Variants in TLN1 observed in about 807,000 individuals in gnomAD.
The protein encoded by TLN1 is talin 1.
A neutral mutation model predicts 292.3 loss-of-function variants in TLN1; 56 were observed. The ratio of observed to expected loss-of-function variants is 0.19; its 90% CI spans 0.15 to 0.24. TLN1 has a LOEUF of 0.24. Ranked by LOEUF, TLN1 falls within the 10% of genes least tolerant of loss-of-function variation. The probability of loss-of-function intolerance (pLI) is 1.00; values close to 1 mark genes in which losing one functional copy is unlikely to be tolerated. For synonymous variants in TLN1, 1,119 were observed against 1,253.7 expected, an observed-to-expected ratio of 0.89 and a Z score of 2.27; for missense variants, 2,433 against 3,248.2, an observed-to-expected ratio of 0.75 and a Z score of 6.10.
At chr9:35,726,337 T>C (rs1344190675) in intron 1 of TLN1, among the ~76,000 whole-genome samples, 1 of 152,178 alleles carries the variant, frequency 6.6e-6, no homozygotes, top group African/African-American at 2.4e-5. Context: ...CCTCCCTACT[T>C]TCATCCAAGT....
Position 35,699,268 on chromosome 9 carries a change from A to G in TLN1, c.6874+88T>C, listed in dbSNP as rs1825422710. 1.5e-5 allele frequency: 23 copies of G among 1,552,040 alleles called. No homozygotes were observed. The highest frequency in any genetic ancestry group is 2.0e-5 in the Non-Finnish European group (23 of 1,146,522). Reference sequence around the variant, plus strand: ...TGGCATCTGTGGGGACTATGGTCAGAGGCTAGCACAGAGCTGTCCAGCCAG... The same window carrying G: ...TGGCATCTGTGGGGACTATGGTCAGGGGCTAGCACAGAGCTGTCCAGCCAG... On this transcript the variant is annotated intron_variant, in intron 51 of 56. Transcript: ENST00000314888. This position sits in a 1 kb window ranked among gnomAD's most constrained non-coding sequence, Gnocchi z 4.0.
chr9:35,707,052 G>C lies in TLN1; in HGVS notation c.4955+20C>G, dbSNP rs767766829. ...ACAATGTATGCCCCCCAGCCACACT[G>C]GTTCCCCATCCCTCAATACCTCATG... On this transcript the variant is annotated intron_variant, in intron 37 of 56. Transcript: ENST00000314888. This position sits in a 1 kb window ranked among gnomAD's most constrained non-coding sequence, Gnocchi z 5.6. 6 of 1,610,370 alleles carry C rather than the reference G, an allele frequency of 3.7e-6. No homozygotes were observed. The highest frequency in any genetic ancestry group is 1.1e-5 in the South Asian group (1 of 90,724).
chr9:35,700,602 TAGAG>T (rs971040455), intron 48 of TLN1, among the ~76,000 whole-genome samples: 2 of 152,074 alleles, frequency 1.3e-5, no homozygotes, highest in African/African-American at 4.8e-5. Context: ...ATTCCCAAAA[TAGAG>T]AGAAGCCTTG....
At position 35,714,031 on chromosome 9, in the gene TLN1, T is replaced by C. The variant is rs772811817; in HGVS notation, c.3171A>G (p.Val1057=). The C allele has an allele frequency of 2.5e-6, 4 of 1,614,198 alleles. No individual in the cohort carries two copies. The highest frequency in any genetic ancestry group is 2.2e-5 in the South Asian group (2 of 91,090). The change falls in exon 25 of 57, where the codon GTA becomes GTG. Residue 1057 remains valine (V), a synonymous_variant. Coordinates refer to ENST00000314888, the MANE Select transcript of TLN1 (RefSeq NM_006289.4). This position sits in a 1 kb window ranked among gnomAD's most constrained non-coding sequence, Gnocchi z 4.6. ...CCTGTAGATCTTTCTCTAGATTCTG[T>C]ACCACACTCAGTGCAGAATCCATCT... ...PLEMDSALSV[V]QNLEKDLQEV...
At chr9:35,711,211 C>G (rs1013855323) in intron 30 of TLN1, 44 bp downstream of exon 30, 3 of 1,611,804 alleles carry the variant, frequency 1.9e-6, no homozygotes, top group African/African-American at 2.7e-5. Context: ...GCTCCCCAGT[C>G]TCTCTCACAC....
rs749452394 is a variant in TLN1 at position 35,707,509 on chromosome 9, C to T, written c.4633-21G>A. ...AGCGCCTAGAAGTGACAGAGAGGCT[C>T]TCAGGACTTGGGATGCAGTCATAGG... On this transcript the variant is annotated intron_variant, in intron 35 of 56. Coordinates refer to ENST00000314888, the MANE Select transcript of TLN1 (RefSeq NM_006289.4). The surrounding 1 kb of genome is among the most constrained non-coding windows in gnomAD (Gnocchi z 5.6). 1 of 1,612,712 alleles carries T rather than the reference C, an allele frequency of 6.2e-7. No individual in the cohort carries two copies. Among genetic ancestry groups the T allele is most frequent in the Non-Finnish European group, 8.5e-7 (1 of 1,179,040 alleles).
In TLN1 at chr9:35,700,041, A is replaced by C; in HGVS notation, c.6701T>G (p.Leu2234Arg). Residue 2234 changes from leucine to arginine, a missense_variant, in exon 50 of 57, where the codon CTT becomes CGT. By Grantham distance (102) the Leu-to-Arg change is moderately radical. Coordinates refer to ENST00000314888, the MANE Select transcript of TLN1 (RefSeq NM_006289.4). ...CTCCCGGCCATAGTGCAGGGCTCGA[A>C]GCCGCACATCAGGGGCCACTTCTGG... Reference protein sequence around the residue: ...YHPEVAPDVRLRALHYGRECA... With the variant: ...YHPEVAPDVRRRALHYGRECA... 1.2e-6 allele frequency: 2 copies of C among 1,613,390 alleles called. No homozygotes were observed. The highest frequency in any genetic ancestry group is 1.7e-6 in the Non-Finnish European group (2 of 1,179,592).
At position 35,710,431 on chromosome 9, in the gene TLN1, A is replaced by C. The variant is rs1825647254; in HGVS notation, c.4326+130T>G. 2.2e-6 allele frequency: 3 copies of C among 1,343,202 alleles called. No individual in the cohort carries two copies. In the South Asian group the frequency reaches 4.3e-5, roughly 19 times the overall value. The allele number at this position is 1,343,202 out of a possible 1,614,324, so 83.2% of individuals were successfully genotyped here. A position where few individuals can be genotyped will look rare whatever the true frequency, so the allele number is the denominator to read the frequency against. On this transcript the variant is annotated intron_variant, in intron 33 of 56. Transcript: ENST00000314888. The stretch of plus-strand genomic sequence containing the variant: ...CAAGTGTCTCCACTTCAGGAGGAGG[A>C]CAACCCAGATTCCATAGAGTTGGCT...
chr9:35,705,221 G>A (rs1825543654), intron 43 of TLN1, among the ~76,000 whole-genome samples: 1 of 152,222 alleles, frequency 6.6e-6, no homozygotes, highest in South Asian at 2.1e-4. Context: ...GCTTAGGTAA[G>A]GAAGAGCTTC....
At chr9:35,702,933 T>C (rs1161625842) in intron 48 of TLN1, among the ~76,000 whole-genome samples, 1 of 152,154 alleles carries the variant, frequency 6.6e-6, no homozygotes, top group Non-Finnish European at 1.5e-5. Context: ...CACTAGTGAC[T>C]GGAGAAAGTG....
Position 35,714,492 on chromosome 9 carries a change from TG to T in TLN1, c.2985+81del. On this transcript the variant is annotated intron_variant, in intron 23 of 56. Transcript: ENST00000314888. The surrounding 1 kb of genome is among the most constrained non-coding windows in gnomAD (Gnocchi z 4.6). ...GGCTTGGTATTGGGAAAGAGGCTCT[TG>T]GCAGAGATTCAAACTGTGGGAGATG... 1 of 1,584,198 alleles carries T rather than the reference TG, an allele frequency of 6.3e-7. No homozygotes were observed.
At chr9:35,722,331 G>A (rs1825890897) in intron 8 of TLN1, 108 bp from the exon 9 acceptor site, 2 of 961,150 alleles carry the variant, frequency 2.1e-6, no homozygotes, top group South Asian at 2.7e-5. Flanking sequence ...CACTGGAAAG[G>A]TTGAGGAGTA....
intron 48 of TLN1, among the ~76,000 whole-genome samples, chr9:35,703,032 G>A (rs926458443): frequency 1.3e-5 from 2 of 152,124 alleles, no homozygotes; most frequent in African/African-American, 4.8e-5. Context: ...CTGGCACAGT[G>A]GCTCATGAGT....
At position 35,709,811 on chromosome 9, in the gene TLN1, C is replaced by T. The variant is rs183666118; in HGVS notation, c.4326+750G>A. Among the ~76,000 whole-genome samples, 259 of 133,636 alleles carry T rather than the reference C, an allele frequency of 1.9e-3. 1 individual carries two copies. The highest frequency in any genetic ancestry group is 2.7e-3 in the Non-Finnish European group (175 of 65,102). The allele number at this position is 133,636 out of a possible 152,430, so 87.7% of individuals were successfully genotyped here. A position where few individuals can be genotyped will look rare whatever the true frequency, so the allele number is the denominator to read the frequency against. ...CTGAGGCAGGAGAATGGCGTGAACC[C>T]GGGAGGCGGAGCTTGCAGTGAGTCT... On this transcript the variant is annotated intron_variant, in intron 33 of 56. Coordinates refer to ENST00000314888, the MANE Select transcript of TLN1 (RefSeq NM_006289.4).
chr9:35,731,810 A>C (rs924975875), intron 1 of TLN1, among the ~76,000 whole-genome samples: 4 of 152,096 alleles, frequency 2.6e-5, no homozygotes, highest in African/African-American at 9.7e-5. Flanking sequence ...CTAACACCAA[A>C]GCCCGTCCCC....
At chr9:35,718,417 A>G (rs1825822784) in intron 17 of TLN1, among the ~76,000 whole-genome samples, 1 of 152,194 alleles carries the variant, frequency 6.6e-6, no homozygotes. Flanking sequence ...CTGCATGGGA[A>G]ATCCAGGGTG....
intron 48 of TLN1, among the ~76,000 whole-genome samples, chr9:35,701,993 T>C (rs1161694009): frequency 1.3e-5 from 2 of 151,270 alleles, no homozygotes; most frequent in African/African-American, 4.9e-5. Flanking sequence ...GAAAGATGAG[T>C]AGGGAGAGAG....
At chr9:35,713,735 G>C (rs1395176655) in intron 25 of TLN1, among the ~76,000 whole-genome samples, 1 of 144,164 alleles carries the variant, frequency 6.9e-6, no homozygotes, top group Middle Eastern at 3.3e-3. Context: ...GAAAAGAAAA[G>C]AAAGAGGAGA....
chr9:35,719,981 C>T lies in TLN1; in HGVS notation c.1464+58G>A, dbSNP rs1003496650. ...GGAAAAGACTGCCTAACTCCTGGCT[C>T]GGCCCAGCTGAGGGTGAGAGAAGGG... On this transcript the variant is annotated intron_variant, in intron 13 of 56. Coordinates refer to ENST00000314888, the MANE Select transcript of TLN1 (RefSeq NM_006289.4). The surrounding 1 kb of genome is among the most constrained non-coding windows in gnomAD (Gnocchi z 4.6). The T allele has an allele frequency of 1.1e-5, 18 of 1,584,694 alleles. No homozygotes were observed. The highest frequency in any genetic ancestry group is 6.7e-5 in the African/African-American group (5 of 74,260).
Sources: gnomAD v4.1 joint callset for allele counts (sites outside exome capture counted in the v4.1 genomes callset) on GRCh38, gnomAD v4.1.1 for gene constraint, Gnocchi (gnomAD v3.1) non-coding constraint, MANE v1.5 for transcripts, NCBI Gene and HGNC (gene_info 2026-07-23, HGNC 2026-07-21) for gene names.